Variants in TMEM232 observed in about 807,000 individuals in gnomAD.
TMEM232 encodes the protein transmembrane protein 232.
In TMEM232, 80 loss-of-function variants were observed where a neutral mutation model predicts 78.8. That is an observed-to-expected ratio of 1.01 (90% confidence interval 0.85 to 1.22). TMEM232 has a LOEUF of 1.22. Among genes scored for constraint, TMEM232 ranks in the 50% most tolerant of loss-of-function variants. The pLI, the probability that TMEM232 is intolerant of heterozygous loss-of-function variation, is 0.00. For missense variants in TMEM232, 881 were observed against 742.2 expected (o/e 1.19, Z -2.17); for synonymous variants, 297 against 254.3 (o/e 1.17, Z -1.60).
At chr5:110,561,405 A>G (rs1775726610) in intron 11 of TMEM232, among the ~76,000 whole-genome samples, 1 of 151,952 alleles carries the variant, frequency 6.6e-6, no homozygotes. Context: ...GTGGGTATAT[A>G]TATATATGTA....
At chr5:110,553,495 T>C (rs901675125) in intron 11 of TMEM232, among the ~76,000 whole-genome samples, 5 of 152,154 alleles carry the variant, frequency 3.3e-5, no homozygotes, top group African/African-American at 1.2e-4. Flanking sequence ...CTATTGTGAA[T>C]GGTATTGCAT....
intron 3 of TMEM232, among the ~76,000 whole-genome samples, chr5:110,391,326 T>TGTGTGTGAGAGAGAGAGAGAGAGA (rs549361387): frequency 3.6e-4 from 51 of 139,912 alleles, no homozygotes; most frequent in East Asian, 2.8e-3. Flanking sequence ...TGTGTGTGTG[T>TGTGTGTGAGAGAGAGAGAGAGAGA]GAGAGAGAGA....
chr5:110,686,938 CA>C (rs1793488729), intron 1 of TMEM232, among the ~76,000 whole-genome samples: 2 of 152,154 alleles, frequency 1.3e-5, no homozygotes, highest in Admixed American at 6.5e-5. Context: ...CATGTAGCAT[CA>C]CATCACTGGG....
upstream of TMEM232, among the ~76,000 whole-genome samples, chr5:110,730,535 G>A (rs1000708448): frequency 6.6e-6 from 1 of 152,170 alleles, no homozygotes; most frequent in East Asian, 1.9e-4. Flanking sequence ...AACAAAATGA[G>A]GTTTAATTGG....
intron 2 of TMEM232, among the ~76,000 whole-genome samples, chr5:110,654,526 T>A (rs1377984492): frequency 1.3e-5 from 2 of 152,234 alleles, no homozygotes; most frequent in African/African-American, 4.8e-5. Context: ...TTGGTATCAG[T>A]ACCATGCTGT....
Position 110,576,419 on chromosome 5 carries a change from T to C in TMEM232, c.1277-7794A>G, listed in dbSNP as rs545616916. ...CAAATGGAAAAACATTCCATGCTTA[T>C]AGATAAGAAGAATCAATATTGTTAA... On this transcript the variant is annotated intron_variant, in intron 10 of 13. Transcript: ENST00000455884. 3.0e-3 allele frequency among the ~76,000 whole-genome samples: 464 copies of C among 152,208 alleles called. 3 individuals are homozygous for C. Among genetic ancestry groups the C allele is most frequent in the African/African-American group, 0.011 (438 of 41,542 alleles).
chr5:110,663,107 T>C (rs1055523216), intron 2 of TMEM232, among the ~76,000 whole-genome samples: 3 of 152,048 alleles, frequency 2.0e-5, no homozygotes, highest in Non-Finnish European at 4.4e-5. Context: ...ACGTTCATAA[T>C]AACCATAAAT....
downstream of TMEM232, chr5:110,418,282 T>C (rs1380259604): frequency 6.6e-6 from 1 of 152,090 alleles, no homozygotes; most frequent in East Asian, 1.9e-4. Flanking sequence ...TTTACATAAA[T>C]TGTGTCAATT....
At chr5:110,655,569 G>C (rs2150077745) in intron 2 of TMEM232, among the ~76,000 whole-genome samples, 2 of 142,400 alleles carry the variant, frequency 1.4e-5, no homozygotes, top group East Asian at 4.1e-4. Flanking sequence ...TATACCCAAA[G>C]GACCATAAAT....
At chr5:110,509,098 C>T (rs1767378716) in intron 12 of TMEM232, among the ~76,000 whole-genome samples, 1 of 147,362 alleles carries the variant, frequency 6.8e-6, no homozygotes, top group African/African-American at 2.5e-5. Context: ...TGTATACACA[C>T]ACATATATAT....
chr5:110,662,988 A>AT (rs1331985937), intron 2 of TMEM232, among the ~76,000 whole-genome samples: 2 of 152,144 alleles, frequency 1.3e-5, no homozygotes, highest in Non-Finnish European at 2.9e-5. Flanking sequence ...ATAAAAATTA[A>AT]TAAGTTCTAG....
At chr5:110,528,922 C>T (rs1771017111) in intron 11 of TMEM232, 87 bp from the exon 12 acceptor site, 6 of 1,117,070 alleles carry the variant, frequency 5.4e-6, no homozygotes, top group Non-Finnish European at 5.7e-6. Flanking sequence ...TTTAAAGTAT[C>T]TTTATTTTCT....
chr5:110,536,063 T>C (rs189252759), intron 11 of TMEM232, among the ~76,000 whole-genome samples: 11 of 152,326 alleles, frequency 7.2e-5, no homozygotes, highest in African/African-American at 2.6e-4. Context: ...GATTTATTAT[T>C]CTCCTTTCCC....
chr5:110,614,653 C>T (rs1428278007), intron 8 of TMEM232, among the ~76,000 whole-genome samples: 2 of 151,966 alleles, frequency 1.3e-5, no homozygotes, highest in Admixed American at 6.6e-5. Flanking sequence ...TATTAGAGTA[C>T]TTTTTAAATA....
intron 2 of TMEM232, among the ~76,000 whole-genome samples, chr5:110,656,949 A>C (rs1396395442): frequency 6.6e-6 from 1 of 152,196 alleles, no homozygotes. Flanking sequence ...TAATAATTGT[A>C]CGTATTTATG....
chr5:110,468,235 C>T (rs543934955), intron 12 of TMEM232, among the ~76,000 whole-genome samples: 1 of 151,990 alleles, frequency 6.6e-6, no homozygotes, highest in Non-Finnish European at 1.5e-5. Flanking sequence ...AAAATAATCA[C>T]CAATCCAAAA....
At chr5:110,467,734 G>A (rs1762232171) in intron 12 of TMEM232, among the ~76,000 whole-genome samples, 1 of 152,148 alleles carries the variant, frequency 6.6e-6, no homozygotes, top group Non-Finnish European at 1.5e-5. Flanking sequence ...AAATTGGGTA[G>A]ATTCAAAAAT....
chr5:110,486,400 A>G (rs973321868), intron 12 of TMEM232, among the ~76,000 whole-genome samples: 2 of 152,088 alleles, frequency 1.3e-5, no homozygotes, highest in South Asian at 2.1e-4. Flanking sequence ...GTTTAAGCCA[A>G]TGTCTAGAAG....
In TMEM232 at chr5:110,551,616, G is replaced by A. The variant is rs1774472157; in HGVS notation, c.1455+16831C>T. ...AAACTTCATTGCAAAGAATTTTCCAGAACTGATGAAAAAATATCAACCCAC... is the reference window on the plus strand; with the variant it reads ...AAACTTCATTGCAAAGAATTTTCCAAAACTGATGAAAAAATATCAACCCAC... On this transcript the variant is annotated intron_variant, in intron 11 of 13. Coordinates refer to ENST00000455884, the MANE Select transcript of TMEM232 (RefSeq NM_001039763.4). Among the ~76,000 whole-genome samples the A allele has an allele frequency of 2.6e-5, 4 of 152,114 alleles. 1 individual carries two copies. The highest frequency in any genetic ancestry group is 9.7e-5 in the African/African-American group (4 of 41,424).
Sources: allele counts gnomAD v4.1 joint callset (sites outside exome capture counted in the v4.1 genomes callset), GRCh38; gene constraint gnomAD v4.1.1; transcripts MANE v1.5; gene names NCBI Gene and HGNC (gene_info 2026-07-23, HGNC 2026-07-21).